RPAP2: variants seen among roughly 807,000 people sequenced by gnomAD.
RPAP2 encodes the protein putative RNA polymerase II subunit B1 CTD phosphatase RPAP2.
A neutral mutation model predicts 73.1 loss-of-function variants in RPAP2; 52 were observed. The ratio of observed to expected loss-of-function variants is 0.71; its 90% confidence interval spans 0.57 to 0.90. The LOEUF (loss-of-function observed/expected upper bound fraction) is 0.90. RPAP2 is among the 40% of genes least tolerant of loss of function. The pLI is 0.00. For missense variants in RPAP2, 598 were observed against 701.8 expected, an observed-to-expected ratio of 0.85 and a Z score of 1.67; for synonymous variants, 225 against 242.1, an observed-to-expected ratio of 0.93 and a Z score of 0.65.
chr1:92,300,095 A>G, intron 1 of RPAP2, 99 bp from the exon 2 acceptor site: 2 of 774,002 alleles, frequency 2.6e-6, no homozygotes, highest in East Asian at 2.6e-5. Context: ...AAGGTACAGT[A>G]AAAATACAGT....
At chr1:92,306,367 TTATG>T (rs1263445685) in intron 5 of RPAP2, among the ~76,000 whole-genome samples, 1 of 152,200 alleles carries the variant, frequency 6.6e-6, no homozygotes, top group Admixed American at 6.5e-5. Context: ...AAATTTTAGA[TTATG>T]TATATTTTAC....
At position 92,345,708 on chromosome 1, in the gene RPAP2, C is replaced by A. The variant is rs1014646015; in HGVS notation, c.1620-138C>A. 7.1e-5 allele frequency: 42 copies of A among 588,008 alleles called. 1 individual carries two copies. The Admixed American group carries it at 1.3e-3, about 18-fold the overall frequency. 36.4% of individuals were successfully genotyped at this position (588,008 alleles called of 1,614,324 possible). A position where few individuals can be genotyped will look rare whatever the true frequency, so the allele number is the denominator to read the frequency against. On this transcript the variant is annotated intron_variant, in intron 10 of 12. Transcript: ENST00000610020. The stretch of plus-strand genomic sequence containing the variant: ...GAGCCACATTATTATACTATTGACT[C>A]TTTCCTGTCAAATATAACAAGTATT...
At chr1:92,383,122 A>G (rs1655718557) in intron 12 of RPAP2, among the ~76,000 whole-genome samples, 1 of 151,970 alleles carries the variant, frequency 6.6e-6, no homozygotes, top group Admixed American at 6.6e-5. Context: ...TGTTCCATTC[A>G]TCTATATCTC....
chr1:92,305,214 C>T (rs963120716), intron 5 of RPAP2, among the ~76,000 whole-genome samples: 1 of 151,778 alleles, frequency 6.6e-6, no homozygotes, highest in Admixed American at 6.6e-5. Context: ...GGGCAGATCA[C>T]GAGGTCAGGA....
At chr1:92,311,809 G>A (rs977435018) in intron 6 of RPAP2, among the ~76,000 whole-genome samples, 12 of 152,166 alleles carry the variant, frequency 7.9e-5, no homozygotes, top group African/African-American at 2.9e-4. Context: ...TAAATGTGCA[G>A]TAGCGTTATA....
At chr1:92,342,600 G>A (rs538303913) in intron 10 of RPAP2, among the ~76,000 whole-genome samples, 32 of 152,272 alleles carry the variant, frequency 2.1e-4, no homozygotes, top group African/African-American at 6.3e-4. Context: ...CAGATGGGCC[G>A]AGGCAGAGAG....
intron 10 of RPAP2, among the ~76,000 whole-genome samples, chr1:92,344,658 C>A (rs12089666): frequency 0.019 from 2,966 of 152,118 alleles, 120 homozygotes; most frequent in African/African-American, 0.067. Context: ...TATGCATTTT[C>A]AACTTTATTA....
intron 11 of RPAP2, among the ~76,000 whole-genome samples, chr1:92,358,784 CA>C (rs1405999915): frequency 6.6e-6 from 1 of 152,126 alleles, no homozygotes; most frequent in Non-Finnish European, 1.5e-5. Flanking sequence ...ATAGGGGTCT[CA>C]CTTTGTTGCC....
chr1:92,321,082 T>C (rs1023767889), intron 7 of RPAP2, among the ~76,000 whole-genome samples: 1 of 152,188 alleles, frequency 6.6e-6, no homozygotes, highest in African/African-American at 2.4e-5. Context: ...ACTTTCCTCA[T>C]GGTATTGTTT....
intron 11 of RPAP2, among the ~76,000 whole-genome samples, chr1:92,352,378 G>A (rs565617309): frequency 1.3e-5 from 2 of 152,188 alleles, no homozygotes; most frequent in Admixed American, 1.3e-4. Flanking sequence ...AGATACTCTG[G>A]AGAGTCACTT....
At chr1:92,340,711 A>C (rs569523431) in intron 10 of RPAP2, among the ~76,000 whole-genome samples, 2 of 152,268 alleles carry the variant, frequency 1.3e-5, no homozygotes, top group African/African-American at 4.8e-5. Flanking sequence ...CCTAAACATA[A>C]AGCAGCTTTT....
At chr1:92,360,390 C>A (rs1654678097) in intron 11 of RPAP2, among the ~76,000 whole-genome samples, 1 of 152,136 alleles carries the variant, frequency 6.6e-6, no homozygotes, top group South Asian at 2.1e-4. Flanking sequence ...GGTGTTGGGG[C>A]ACTAGACGGA....
At chr1:92,361,116 C>CAT (rs10555168) in intron 11 of RPAP2, among the ~76,000 whole-genome samples, 10 of 148,306 alleles carry the variant, frequency 6.7e-5, no homozygotes, top group Non-Finnish European at 1.2e-4. Flanking sequence ...CACACACACA[C>CAT]ATATATATAT....
intron 6 of RPAP2, 57 bp downstream of exon 6, chr1:92,307,333 G>A (rs758721311): frequency 9.0e-6 from 11 of 1,223,236 alleles, no homozygotes; most frequent in Non-Finnish European, 6.9e-6. Context: ...ATTTGTTTCT[G>A]CTTTTTGAGA....
intron 10 of RPAP2, among the ~76,000 whole-genome samples, chr1:92,339,894 G>A (rs1027640109): frequency 1.7e-4 from 26 of 151,982 alleles, no homozygotes; most frequent in Admixed American, 1.7e-3. Flanking sequence ...TTAAAGACTT[G>A]ATTATATGAC....
At chr1:92,380,972 A>T in intron 12 of RPAP2, 99 bp downstream of exon 12, 1 of 975,018 alleles carries the variant, frequency 1.0e-6, no homozygotes. Flanking sequence ...CCAAGTACAG[A>T]CCTCAAGATG....
At chr1:92,378,184 T>TATTCATTC (rs751055550) in intron 11 of RPAP2, among the ~76,000 whole-genome samples, 155 of 151,638 alleles carry the variant, frequency 1.0e-3, no homozygotes, top group African/African-American at 3.0e-3. Context: ...CCACTTTATT[T>TATTCATTC]ATTCATTCAT....
intron 10 of RPAP2, among the ~76,000 whole-genome samples, chr1:92,339,677 G>C (rs1448127816): frequency 6.6e-6 from 1 of 151,198 alleles, no homozygotes; most frequent in East Asian, 2.0e-4. Flanking sequence ...CCATAGAATT[G>C]ATAAGTAGTG....
rs373539490 is a variant in RPAP2 at position 92,314,348 on chromosome 1, T to G, written c.489-6251T>G. Among the ~76,000 whole-genome samples, 1,175 of 147,402 alleles carry G rather than the reference T, an allele frequency of 8.0e-3. 14 individuals are homozygous for G. Among genetic ancestry groups the G allele is most frequent in the African/African-American group, 0.03 (1,116 of 37,462 alleles). ...GCTGTTGCTGTTGTTTTTTGGTTTT[T>G]GGGTTTTTTTTTTTTTGCATTTAGT... On this transcript the variant is annotated intron_variant, in intron 6 of 12. Coordinates refer to ENST00000610020, the MANE Select transcript of RPAP2 (RefSeq NM_024813.3).
Sources: gnomAD v4.1 joint callset for allele counts (sites outside exome capture counted in the v4.1 genomes callset) on GRCh38, gnomAD v4.1.1 for gene constraint, MANE v1.5 for transcripts, NCBI Gene and HGNC (gene_info 2026-07-23, HGNC 2026-07-21) for gene names.